The following LMAN1 variants were observed in gnomAD, a reference collection of about 807,000 sequenced individuals.
The protein encoded by LMAN1 is protein ERGIC-53.
Under a neutral mutation model 67.8 loss-of-function variants are expected in LMAN1, and 32 were observed. The ratio of observed to expected loss-of-function variants is 0.47; its 90% confidence interval spans 0.36 to 0.63. LMAN1 has a LOEUF of 0.63. Among genes scored for constraint, LMAN1 ranks in the 30% least tolerant of loss-of-function variants. The pLI is 0.00. For synonymous variants in LMAN1, 235 were observed against 219.3 expected (o/e 1.07, Z -0.63); for missense variants, 632 against 628.2 (o/e 1.01, Z -0.06).
chr18:59,344,342 T>C (rs1480587149), intron 8 of LMAN1, among the ~76,000 whole-genome samples: 1 of 152,188 alleles, frequency 6.6e-6, no homozygotes, highest in Non-Finnish European at 1.5e-5. Flanking sequence ...CTTGCACTTA[T>C]ACGTTTATTG....
chr18:59,343,204 T>C (rs1409693657), intron 8 of LMAN1, among the ~76,000 whole-genome samples: 2 of 151,906 alleles, frequency 1.3e-5, no homozygotes, highest in African/African-American at 4.8e-5. Flanking sequence ...GAATCAATAT[T>C]GTTAAAATGA....
At chr18:59,356,596 T>A (rs1320534081) in intron 1 of LMAN1, among the ~76,000 whole-genome samples, 1 of 152,142 alleles carries the variant, frequency 6.6e-6, no homozygotes, top group Non-Finnish European at 1.5e-5. Flanking sequence ...TAGAAAAAAG[T>A]TGACAAAAAG....
chr18:59,349,169 A>G lies in LMAN1; in HGVS notation c.707T>C (p.Met236Thr), dbSNP rs1282466265. 4 of 1,613,766 alleles carry G rather than the reference A, an allele frequency of 2.5e-6. No individual in the cohort carries two copies. The highest frequency in any genetic ancestry group is 1.3e-5 in the African/African-American group (1 of 74,936). ...AAAATGCCCTTGTGCAGGGATAATC[A>G]TATTTTCCACTTTGGCACAAAATTC... ...DYEFCAKVEN[M>T]IIPAQGHFGI... is the part of the protein sequence containing the mutation. Residue 236 changes from methionine (M) to threonine (T), a missense_variant, in exon 6 of 13, where the codon ATG becomes ACG. Coordinates refer to ENST00000251047, the MANE Select transcript of LMAN1 (RefSeq NM_005570.4).
chr18:59,347,749 C>T (rs1908452046), intron 6 of LMAN1, among the ~76,000 whole-genome samples, 178 bp from the exon 7 acceptor site: 1 of 152,218 alleles, frequency 6.6e-6, no homozygotes, highest in African/African-American at 2.4e-5. Context: ...GACCAAAATT[C>T]ACCTGAAAGA....
chr18:59,359,076 G>C lies in LMAN1; in HGVS notation c.169C>G (p.Leu57Val), dbSNP rs777224819. ...EYKYSFKGPH[L>V]VQSDGTVPFW... ...GGCACGGTCCCGTCGCTCTGCACCA[G>C]GTGCGGCCCCTTGAAGCTGTATTTG... Residue 57 changes from leucine to valine, a missense_variant, in exon 1 of 13, where the codon CTG becomes GTG. Coordinates refer to ENST00000251047, the MANE Select transcript of LMAN1 (RefSeq NM_005570.4). The C allele has an allele frequency of 6.8e-5, 109 of 1,613,982 alleles. No individual in the cohort carries two copies. Among genetic ancestry groups the C allele is most frequent in the Non-Finnish European group, 9.1e-5 (107 of 1,179,994 alleles).
rs1387272183 is a variant in LMAN1 at position 59,330,575 on chromosome 18, TCAGA to T, written c.*514_*517del. 2 of 153,026 alleles carry T rather than the reference TCAGA, an allele frequency of 1.3e-5. No individual in the cohort carries two copies. Among genetic ancestry groups the T allele is most frequent in the Non-Finnish European group, 2.9e-5 (2 of 68,350 alleles). The allele number at this position is 153,026 out of a possible 1,614,324, so 9.5% of individuals were successfully genotyped here. A position where few individuals can be genotyped will look rare whatever the true frequency, so the allele number is the denominator to read the frequency against. On this transcript the variant is annotated 3_prime_UTR_variant, in exon 13 of 13. Transcript: ENST00000251047. Reference sequence around the variant, plus strand: ...GTCTATTACCAGATCCTTAAAGCTCTCAGACAAAATATTCTTTGATTTCAAAGGA... The same window carrying T: ...GTCTATTACCAGATCCTTAAAGCTCTCAAAATATTCTTTGATTTCAAAGGA...
At chr18:59,335,234 G>A (rs1419486286) in intron 10 of LMAN1, among the ~76,000 whole-genome samples, 1 of 152,062 alleles carries the variant, frequency 6.6e-6, no homozygotes, top group Non-Finnish European at 1.5e-5. Context: ...AGGAGTTCGA[G>A]ACCAGCCTGG....
intron 5 of LMAN1, among the ~76,000 whole-genome samples, chr18:59,351,938 C>A (rs529150895): frequency 2.6e-5 from 4 of 152,312 alleles, no homozygotes; most frequent in African/African-American, 9.6e-5. Context: ...GGAATTAAGA[C>A]TAAGCCAATA....
intron 5 of LMAN1, among the ~76,000 whole-genome samples, chr18:59,351,914 C>G (rs1206152712): frequency 1.3e-5 from 2 of 152,182 alleles, no homozygotes; most frequent in Non-Finnish European, 2.9e-5. Flanking sequence ...ATTCTAAGAT[C>G]TCTAAATTAG....
chr18:59,329,695 C>G lies in LMAN1; in HGVS notation c.*1398G>C, dbSNP rs1446848117. ...TATAATACAGAGTTCTTCAGAAAGT[C>G]TTTATATATAGATTTTAGGTCGTTA... On this transcript the variant is annotated 3_prime_UTR_variant, in exon 13 of 13. Transcript: ENST00000251047. 1 of 152,006 alleles carries G rather than the reference C, an allele frequency of 6.6e-6. No individual in the cohort carries two copies. Among genetic ancestry groups the G allele is most frequent in the Admixed American group, 6.6e-5 (1 of 15,234 alleles). The allele number at this position is 152,006 out of a possible 1,614,324, so 9.4% of individuals were successfully genotyped here.
intron 1 of LMAN1, among the ~76,000 whole-genome samples, chr18:59,356,075 A>G (rs911529861): frequency 1.3e-5 from 2 of 152,218 alleles, no homozygotes; most frequent in African/African-American, 4.8e-5. Flanking sequence ...TCCTAGTCTC[A>G]GTTCAGCTGT....
intron 10 of LMAN1, among the ~76,000 whole-genome samples, chr18:59,337,205 ATCT>A (rs1368549002): frequency 6.0e-5 from 9 of 149,550 alleles, no homozygotes; most frequent in Non-Finnish European, 1.2e-4. Flanking sequence ...AATATATAAT[ATCT>A]TCTTATCAAA....
At chr18:59,348,362 AG>A (rs1908467593) in intron 6 of LMAN1, among the ~76,000 whole-genome samples, 1 of 152,236 alleles carries the variant, frequency 6.6e-6, no homozygotes, top group Non-Finnish European at 1.5e-5. Flanking sequence ...GTTGGGTAAC[AG>A]GGCACTGAAC....
Position 59,347,581 on chromosome 18 carries a change from A to C in LMAN1, c.764-10T>G. 2.0e-6 allele frequency: 1 copy of C among 495,926 alleles called. No homozygotes were observed. Among genetic ancestry groups the C allele is most frequent in the Non-Finnish European group, 2.8e-6 (1 of 359,990 alleles). The allele number at this position is 495,926 out of a possible 1,614,324, so 30.7% of individuals were successfully genotyped here. A position where few individuals can be genotyped will look rare whatever the true frequency, so the allele number is the denominator to read the frequency against. On this transcript the variant is annotated splice_polypyrimidine_tract_variant and intron_variant, in intron 6 of 12. Transcript: ENST00000251047. ...AGGACATCATGGTCATCTACAAATT[A>C]AAAAAAAAAAAGTCTGAAAAAGTTC...
At chr18:59,335,681 G>A (rs991217237) in intron 10 of LMAN1, among the ~76,000 whole-genome samples, 19 of 152,026 alleles carry the variant, frequency 1.2e-4, no homozygotes, top group African/African-American at 4.6e-4. Context: ...CAGGATATAG[G>A]AGGAATATAA....
intron 1 of LMAN1, among the ~76,000 whole-genome samples, chr18:59,357,195 T>C (rs1348156217): frequency 2.0e-5 from 3 of 152,344 alleles, no homozygotes; most frequent in East Asian, 1.9e-4. Context: ...AAAATACTAA[T>C]ACTTTGTTTC....
intron 8 of LMAN1, among the ~76,000 whole-genome samples, chr18:59,339,633 T>C (rs1908242310): frequency 6.6e-6 from 1 of 152,158 alleles, no homozygotes; most frequent in South Asian, 2.1e-4. Flanking sequence ...ACAGCTCCAG[T>C]TGGGCACCAC....
In LMAN1 at chr18:59,338,884, T is replaced by G. The variant is rs769046487; in HGVS notation, c.1025A>C (p.His342Pro). The change falls in exon 9 of 13, where the codon CAT becomes CCT. Residue 342 changes from histidine to proline, a missense_variant. His to Pro is a moderately conservative substitution (Grantham distance 77, BLOSUM62 -2). Coordinates refer to ENST00000251047, the MANE Select transcript of LMAN1 (RefSeq NM_005570.4). ...CCGGTTCAGCTGCTTGATTTCAAGA[T>G]GAATACGATTCTGTCCTTCAAAGAC... ...RQVFEGQNRI[H>P]LEIKQLNRQL... is the part of the protein sequence containing the mutation. The G allele has an allele frequency of 1.2e-6, 2 of 1,613,814 alleles. No homozygotes were observed. The highest frequency in any genetic ancestry group is 2.2e-5 in the East Asian group (1 of 44,860).
In LMAN1 at chr18:59,359,131, C is replaced by G; in HGVS notation, c.114G>C (p.Ala38=). ...CGAAACGGCGATGTGGCAACGCGAC[C>G]GCGGGGTCTCCTCCCACGCCGTCGC... The part of the protein sequence containing the change: ...VRGDGVGGDP[A]VALPHRRFEY... Residue 38 remains alanine, a synonymous_variant, in exon 1 of 13, where the codon GCG becomes GCC. Coordinates refer to ENST00000251047, the MANE Select transcript of LMAN1 (RefSeq NM_005570.4). 6.2e-7 allele frequency: 1 copy of G among 1,614,120 alleles called. No individual in the cohort carries two copies. Among genetic ancestry groups the G allele is most frequent in the Non-Finnish European group, 8.5e-7 (1 of 1,179,988 alleles).
Sources: gnomAD v4.1 joint callset for allele counts (sites outside exome capture counted in the v4.1 genomes callset) on GRCh38, gnomAD v4.1.1 for gene constraint, MANE v1.5 for transcripts, NCBI Gene and HGNC (gene_info 2026-07-23, HGNC 2026-07-21) for gene names.